Variants in SLCO4A1 observed in about 807,000 individuals in gnomAD.
SLCO4A1 encodes solute carrier organic anion transporter family member 4A1.
Under a neutral mutation model 64.6 loss-of-function variants are expected in SLCO4A1, and 51 were observed. The observed-to-expected ratio is 0.79, with a 90% confidence interval of 0.63 to 1.00. The LOEUF is 1.00. Ranked by LOEUF, SLCO4A1 falls within the 50% of genes least tolerant of loss-of-function variation. The probability of loss-of-function intolerance (pLI) is 0.00; values close to 1 mark genes in which losing one functional copy is unlikely to be tolerated. For synonymous variants in SLCO4A1, 471 were observed against 444.9 expected (o/e 1.06, Z -0.74); for missense variants, 919 against 980.5 (o/e 0.94, Z 0.84).
At chr20:62,657,372 C>T in intron 2 of SLCO4A1, 122 bp downstream of exon 2, 1 of 950,308 alleles carries the variant, frequency 1.1e-6, no homozygotes, top group Non-Finnish European at 1.5e-6. Context: ...TCTGCATGGC[C>T]CTGGGGCTGC....
intron 9 of SLCO4A1, 22 bp downstream of exon 9, chr20:62,668,206 G>T (rs753903392): frequency 1.2e-6 from 2 of 1,613,034 alleles, no homozygotes. Context: ...TCGGGTGTGC[G>T]CTTGTCCAGA....
At chr20:62,680,794 G>A (rs1027057077) in intron 2 of SLCO4A1, among the ~76,000 whole-genome samples, 2 of 152,098 alleles carry the variant, frequency 1.3e-5, no homozygotes, top group African/African-American at 4.8e-5. Context: ...GGGTTTTTGT[G>A]TCTACGTTCA....
chr20:62,674,284 G>A (rs569031735), downstream of SLCO4A1, among the ~76,000 whole-genome samples: 9 of 152,334 alleles, frequency 5.9e-5, no homozygotes, highest in East Asian at 1.9e-4. Context: ...CTGAGCATCC[G>A]TGTGGAGGTG....
chr20:62,675,587 C>T (rs1987551788), downstream of SLCO4A1, among the ~76,000 whole-genome samples: 2 of 152,204 alleles, frequency 1.3e-5, no homozygotes, highest in African/African-American at 4.8e-5. Flanking sequence ...GCAGCCTGGT[C>T]CCGGCCCCAG....
intron 1 of SLCO4A1, among the ~76,000 whole-genome samples, chr20:62,654,434 CTG>C (rs2147072718): frequency 6.6e-6 from 1 of 152,340 alleles, no homozygotes; most frequent in South Asian, 2.1e-4. Context: ...TGAGCAGACT[CTG>C]TGAGGAGCTG....
intron 10 of SLCO4A1, 98 bp from the exon 11 acceptor site, chr20:62,668,832 C>A: frequency 1.6e-6 from 2 of 1,286,090 alleles, no homozygotes; most frequent in South Asian, 2.8e-5. Context: ...CCAGTATCAC[C>A]TTCCCAGAGC....
chr20:62,666,684 C>T (rs1986408611), intron 7 of SLCO4A1, 109 bp downstream of exon 7: 2 of 994,020 alleles, frequency 2.0e-6, no homozygotes, highest in South Asian at 1.4e-5. Context: ...TTGAAAAGGG[C>T]TACGTCACAG....
Position 62,668,915 on chromosome 20 carries a change from G to A in SLCO4A1, c.1877-15G>A. ...CCACCAGGAGTGTGGGTGCTGAGTG[G>A]GCTTCTCTCCGCAGGGGGCATCCCG... On this transcript the variant is annotated splice_polypyrimidine_tract_variant and intron_variant, in intron 10 of 11. Transcript: ENST00000217159. 6.3e-7 allele frequency: 1 copy of A among 1,599,094 alleles called. No homozygotes were observed.
chr20:62,656,328 T>G, intron 1 of SLCO4A1, 31 bp from the exon 2 acceptor site: 39 of 787,860 alleles, frequency 5.0e-5, no homozygotes, highest in East Asian at 8.1e-5. Flanking sequence ...TGGAGAGACG[T>G]GAGCTTGCTA....
downstream of SLCO4A1, among the ~76,000 whole-genome samples, chr20:62,690,325 A>G (rs990916363): frequency 6.6e-6 from 1 of 152,064 alleles, no homozygotes; most frequent in East Asian, 1.9e-4. Flanking sequence ...ACAGTTTTCC[A>G]TGGGAGGACG....
rs560608454 is a variant in SLCO4A1 at position 62,671,918 on chromosome 20, C to T, written c.*25C>T. ...ACCACCGCCCGCGCCCACCCGGCCACGGCGGGCACTCAGCATTTCCTGATG... is the reference window on the plus strand; with the variant it reads ...ACCACCGCCCGCGCCCACCCGGCCATGGCGGGCACTCAGCATTTCCTGATG... On this transcript the variant is annotated 3_prime_UTR_variant, in exon 12 of 12. Transcript: ENST00000217159. 38 of 1,606,880 alleles carry T rather than the reference C, an allele frequency of 2.4e-5. No individual in the cohort carries two copies. The highest frequency in any genetic ancestry group is 2.9e-5 in the Non-Finnish European group (34 of 1,179,982).
chr20:62,673,050 C>T (rs1030586714), downstream of SLCO4A1, among the ~76,000 whole-genome samples: 1 of 143,478 alleles, frequency 7.0e-6, no homozygotes, highest in African/African-American at 2.5e-5. Context: ...GTGCTGGTGA[C>T]ATTTTGATTT....
At chr20:62,668,658 C>T in intron 10 of SLCO4A1, 117 bp downstream of exon 10, 1 of 1,041,486 alleles carries the variant, frequency 9.6e-7, no homozygotes. Flanking sequence ...CTGTTCCCGC[C>T]TGGGAAGGGG....
intron 1 of SLCO4A1, chr20:62,652,053 C>A (rs1267134089): frequency 6.9e-6 from 1 of 145,180 alleles, no homozygotes; most frequent in Non-Finnish European, 1.5e-5. Context: ...CGCCCCACAC[C>A]CCCCACCCCC....
chr20:62,661,989 G>T lies in SLCO4A1; in HGVS notation c.1121+814G>T, dbSNP rs1376057426. On this transcript the variant is annotated intron_variant, in intron 5 of 11. Transcript: ENST00000217159. The surrounding 1 kb of genome is among the most constrained non-coding windows in gnomAD (Gnocchi z 5.2). ...ACCACCCAAGTCCTCAGCGTCTGAG[G>T]CCCCAGCACGGGGAGACTCTTGTGC... is the stretch of plus-strand genomic sequence containing the variant. Among the ~76,000 whole-genome samples the T allele has an allele frequency of 2.0e-5, 3 of 152,122 alleles. No homozygotes were observed. The highest frequency in any genetic ancestry group is 4.4e-5 in the Non-Finnish European group (3 of 68,000).
downstream of SLCO4A1, among the ~76,000 whole-genome samples, chr20:62,687,571 G>A (rs1315373577): frequency 1.3e-5 from 2 of 152,274 alleles, no homozygotes; most frequent in Non-Finnish European, 2.9e-5. Flanking sequence ...ACGGGGCAGA[G>A]CCTCTGAGCC....
At position 62,668,348 on chromosome 20, in the gene SLCO4A1, G is replaced by A. The variant is rs192994308; in HGVS notation, c.1812-129G>A. On this transcript the variant is annotated intron_variant, in intron 9 of 11. Transcript: ENST00000217159. ...GACCTCACTGTCTCTGATCTCTGAC[G>A]AGGGGCTTCCCACTTGGGGGGGGGT... The A allele has an allele frequency of 1.5e-4, 187 of 1,268,914 alleles. No individual in the cohort carries two copies. The East Asian group carries it at 1.8e-3, about 12-fold the overall frequency. 78.6% of individuals were successfully genotyped at this position (1,268,914 alleles called of 1,614,324 possible). A position where few individuals can be genotyped will look rare whatever the true frequency, so the allele number is the denominator to read the frequency against.
chr20:62,672,205 G>C lies in SLCO4A1; in HGVS notation c.*312G>C. 1 of 1,295,840 alleles carries C rather than the reference G, an allele frequency of 7.7e-7. No homozygotes were observed. The highest frequency in any genetic ancestry group is 9.9e-7 in the Non-Finnish European group (1 of 1,014,680). 80.3% of individuals were successfully genotyped at this position (1,295,840 alleles called of 1,614,324 possible). The stretch of plus-strand genomic sequence containing the variant: ...TCCGCAGGGGCTGTGAATCCCACTG[G>C]GAGGGCGGTGGGCCTGCAGCCTGAG... On this transcript the variant is annotated 3_prime_UTR_variant, in exon 12 of 12. Transcript: ENST00000217159.
rs145692715 is a variant in SLCO4A1 at position 62,660,522 on chromosome 20, G to T, written c.998G>T (p.Arg333Leu). ...FTAVPILGYPRQLPGSQRYAV... is the reference protein window; with the variant it reads ...FTAVPILGYPLQLPGSQRYAV... ...GCCGTTCCCATCCTTGGTTACCCTC[G>T]GCAGCTGCCAGGTGGGTTTCCCTTC... Residue 333 changes from arginine to leucine, a missense_variant, in exon 4 of 12, where the codon CGG (arginine) becomes CTG (leucine). Physicochemically the swap from Arg to Leu is moderately radical, Grantham distance 102 (BLOSUM62 -2). Transcript: ENST00000217159. 5 of 1,605,230 alleles carry T rather than the reference G, an allele frequency of 3.1e-6. No homozygotes were observed. The East Asian group carries it at 1.1e-4, about 36-fold the overall frequency.
Sources: allele counts gnomAD v4.1 joint callset (sites outside exome capture counted in the v4.1 genomes callset), GRCh38; gene constraint gnomAD v4.1.1; non-coding constraint Gnocchi (gnomAD v3.1); transcripts MANE v1.5; gene names NCBI Gene and HGNC (gene_info 2026-07-23, HGNC 2026-07-21).